The following PDGFA variants were observed in gnomAD, a reference collection of about 807,000 sequenced individuals.
PDGFA encodes the protein platelet-derived growth factor subunit A.
PDGFA carries 9 observed loss-of-function variants against 25.6 expected under a neutral mutation model. The observed-to-expected ratio is 0.35, with a 90% CI of 0.21 to 0.61. PDGFA has a LOEUF of 0.61. PDGFA is among the 20% of genes least tolerant of loss of function. The pLI, the probability that PDGFA is intolerant of heterozygous loss-of-function variation, is 0.75. For synonymous variants in PDGFA, 133 were observed against 111.8 expected, an observed-to-expected ratio of 1.19 and a Z score of -1.20; for missense variants, 242 against 272.8, an observed-to-expected ratio of 0.89 and a Z score of 0.79.
intron 4 of PDGFA, among the ~76,000 whole-genome samples, chr7:509,224 G>A (rs368282040): frequency 1.3e-5 from 2 of 152,240 alleles, no homozygotes; most frequent in Admixed American, 6.5e-5. Flanking sequence ...GGATTCTTAC[G>A]CTGAAATCCC....
chr7:510,803 G>GGAGGGCAGGT lies in PDGFA; in HGVS notation c.453+5_453+6insACCTGCCCTC. The GGAGGGCAGGT allele has an allele frequency of 6.8e-7, 1 of 1,462,452 alleles. No homozygotes were observed. Among genetic ancestry groups the GGAGGGCAGGT allele is most frequent in the Non-Finnish European group, 9.3e-7 (1 of 1,080,400 alleles). The allele number at this position is 1,462,452 out of a possible 1,614,324, so 90.6% of individuals were successfully genotyped here. A position where few individuals can be genotyped will look rare whatever the true frequency, so the allele number is the denominator to read the frequency against. The stretch of plus-strand genomic sequence containing the variant: ...GGAGGGGAGGGGAGGGGAGGGGAGG[G>GGAGGGCAGGT]CTCACCTTGACGCTGCGGTGGTGGA... On this transcript the variant is annotated splice_donor_region_variant and intron_variant, in intron 4 of 5. Transcript: ENST00000402802.
chr7:503,867 C>T (rs1451398779), intron 4 of PDGFA, among the ~76,000 whole-genome samples: 1 of 152,136 alleles, frequency 6.6e-6, no homozygotes, highest in Non-Finnish European at 1.5e-5. Flanking sequence ...TGGGAGGTTT[C>T]GCTACGTCAC....
chr7:518,893 C>A (rs1470911599), intron 1 of PDGFA, 46 bp downstream of exon 1: 3 of 1,364,656 alleles, frequency 2.2e-6, no homozygotes, highest in Admixed American at 2.3e-5. Context: ...GGGGGGTGTG[C>A]GCCGGAGGAG....
chr7:516,555 T>G (rs1783109949), intron 2 of PDGFA, among the ~76,000 whole-genome samples: 1 of 152,168 alleles, frequency 6.6e-6, no homozygotes, highest in African/African-American at 2.4e-5. Flanking sequence ...CGAGTGCTCA[T>G]TTTGAAAAGA....
chr7:505,911 C>T (rs1207189237), intron 4 of PDGFA, among the ~76,000 whole-genome samples: 5 of 152,176 alleles, frequency 3.3e-5, no homozygotes, highest in East Asian at 1.9e-4. Context: ...CGGTGGCTCA[C>T]GCCTGTAATC....
intron 4 of PDGFA, among the ~76,000 whole-genome samples, 179 bp from the exon 5 acceptor site, chr7:501,421 T>C (rs1299362543): frequency 6.6e-6 from 1 of 152,158 alleles, no homozygotes; most frequent in African/African-American, 2.4e-5. Context: ...ACCTACAAGC[T>C]GCAGTGCAGT....
intron 4 of PDGFA, among the ~76,000 whole-genome samples, chr7:509,240 A>C (rs1159147803): frequency 6.6e-6 from 1 of 152,206 alleles, no homozygotes; most frequent in African/African-American, 2.4e-5. Context: ...ATCCCAGATG[A>C]AGGGGACGGC....
At chr7:502,217 G>A (rs1249916993) in intron 4 of PDGFA, among the ~76,000 whole-genome samples, 1 of 152,064 alleles carries the variant, frequency 6.6e-6, no homozygotes, top group Non-Finnish European at 1.5e-5. Context: ...CCAAGACCCT[G>A]TCTCTATTAA....
In PDGFA at chr7:500,904, G is replaced by A. The variant is rs1279569931; in HGVS notation, c.580+212C>T. 1 of 1,583,922 alleles carries A rather than the reference G, an allele frequency of 6.3e-7. No homozygotes were observed. Among genetic ancestry groups the A allele is most frequent in the Non-Finnish European group, 8.5e-7 (1 of 1,172,404 alleles). ...AATCTCCTCTCCTGCCAGTGCCGCA[G>A]CTTGGGCCACCCTCCCCACCGGACA... On this transcript the variant is annotated intron_variant, in intron 5 of 5. Coordinates refer to ENST00000402802, the Ensembl canonical transcript of PDGFA. This position sits in a 1 kb window ranked among gnomAD's most constrained non-coding sequence, Gnocchi z 5.0.
At chr7:512,518 C>T (rs1260427433) in intron 2 of PDGFA, 63 bp from the exon 3 acceptor site, 1 of 1,609,976 alleles carries the variant, frequency 6.2e-7, no homozygotes, top group East Asian at 2.2e-5. Flanking sequence ...TGGGCCTGTC[C>T]AGCCGCACTT....
intron 2 of PDGFA, among the ~76,000 whole-genome samples, chr7:515,905 C>T (rs1360381894): frequency 1.3e-5 from 2 of 152,058 alleles, no homozygotes; most frequent in East Asian, 3.9e-4. Context: ...TAAGAATAGT[C>T]CCAGCAGAAA....
upstream of PDGFA, chr7:520,290 C>T (rs1237362304): frequency 5.2e-6 from 1 of 192,172 alleles, no homozygotes; most frequent in African/African-American, 2.4e-5. Flanking sequence ...CCCCGGCGCT[C>T]CGGCCGCTCT....
At chr7:512,840 C>T (rs1247364307) in intron 2 of PDGFA, 6 of 354,948 alleles carry the variant, frequency 1.7e-5, no homozygotes, top group Admixed American at 1.1e-4. Flanking sequence ...CGCCCAGCTC[C>T]GTGCACCTCC....
intron 1 of PDGFA, among the ~76,000 whole-genome samples, chr7:518,014 G>A (rs1183079636): frequency 6.6e-6 from 1 of 151,962 alleles, no homozygotes; most frequent in East Asian, 2.0e-4. Context: ...CGCGCGCGCA[G>A]ACACACACAC....
intron 1 of PDGFA, 59 bp downstream of exon 1, chr7:518,880 G>T: frequency 8.3e-7 from 1 of 1,211,218 alleles, no homozygotes; most frequent in South Asian, 1.5e-5. Flanking sequence ...CGCCCCAGCC[G>T]GCGGGGGGTG....
Position 508,559 on chromosome 7 carries a change from C to CAAAAAAAAAAAAAAAAA in PDGFA, c.453+2233_453+2249dup, listed in dbSNP as rs766165770. On this transcript the variant is annotated intron_variant, in intron 4 of 5. Coordinates refer to ENST00000402802, the Ensembl canonical transcript of PDGFA. ...TGGGCAACAGAGCAAGAAGCTGTCC[C>CAAAAAAAAAAAAAAAAA]AAAAAAAAAAAAAAAAAAAAAAAAA... Among the ~76,000 whole-genome samples the CAAAAAAAAAAAAAAAAA allele has an allele frequency of 1.4e-4, 5 of 35,670 alleles. 1 individual carries two copies. Among genetic ancestry groups the CAAAAAAAAAAAAAAAAA allele is most frequent in the African/African-American group, 3.3e-4 (3 of 9,006 alleles). 23.4% of individuals were successfully genotyped at this position (35,670 alleles called of 152,430 possible).
intron 4 of PDGFA, among the ~76,000 whole-genome samples, chr7:502,478 C>G (rs1266865523): frequency 6.7e-6 from 1 of 149,688 alleles, no homozygotes; most frequent in East Asian, 2.0e-4. Flanking sequence ...GGCCAGGGAT[C>G]CTGGGCCATC....
intron 2 of PDGFA, chr7:513,553 C>G (rs369939182): frequency 6.6e-6 from 1 of 152,010 alleles, no homozygotes; most frequent in East Asian, 1.9e-4. Flanking sequence ...TGAACAGGCG[C>G]GGAGACAGTG....
chr7:501,713 G>A (rs1412628668), intron 4 of PDGFA, among the ~76,000 whole-genome samples: 6 of 152,144 alleles, frequency 3.9e-5, no homozygotes, highest in East Asian at 3.9e-4. Flanking sequence ...GAGAGCCGCC[G>A]CGCCTGGTGT....
Sources: allele counts gnomAD v4.1 joint callset (sites outside exome capture counted in the v4.1 genomes callset), GRCh38; gene constraint gnomAD v4.1.1; non-coding constraint Gnocchi (gnomAD v3.1); transcripts MANE v1.5; gene names NCBI Gene and HGNC (gene_info 2026-07-23, HGNC 2026-07-21).